Variants in CMTM7 observed in about 807,000 individuals in gnomAD.
CMTM7 encodes the protein CKLF like MARVEL transmembrane domain containing 7.
CMTM7 carries 7 observed loss-of-function variants against 19.3 expected under a neutral mutation model. That is an observed-to-expected ratio of 0.36 (90% confidence interval 0.21 to 0.68). The LOEUF (loss-of-function observed/expected upper bound fraction) is 0.68, where lower values mean the gene tolerates loss of function less well. Ranked by LOEUF, CMTM7 falls within the 30% of genes least tolerant of loss-of-function variation. CMTM7 has a pLI of 0.60. For missense variants in CMTM7, 193 were observed against 232.6 expected (o/e 0.83, Z 1.11); for synonymous variants, 87 against 99.3 (o/e 0.88, Z 0.74).
At chr3:32,395,749 T>A (rs1695905656) in intron 1 of CMTM7, among the ~76,000 whole-genome samples, 1 of 152,214 alleles carries the variant, frequency 6.6e-6, no homozygotes, top group Non-Finnish European at 1.5e-5. Flanking sequence ...AAAGTTACCA[T>A]GTGACCCAGC....
intron 1 of CMTM7, among the ~76,000 whole-genome samples, chr3:32,436,540 G>A (rs1467343707): frequency 6.6e-6 from 1 of 152,128 alleles, no homozygotes; most frequent in Non-Finnish European, 1.5e-5. Flanking sequence ...ATCTCCTGGG[G>A]ATTTCCTGGA....
intron 1 of CMTM7, among the ~76,000 whole-genome samples, chr3:32,421,085 T>C (rs1696336116): frequency 6.6e-6 from 1 of 151,870 alleles, no homozygotes; most frequent in South Asian, 2.1e-4. Context: ...CCAGCTCCTC[T>C]CCCTTTTCTT....
At chr3:32,407,670 G>A (rs546097066) in intron 1 of CMTM7, among the ~76,000 whole-genome samples, 13 of 152,280 alleles carry the variant, frequency 8.5e-5, no homozygotes, top group Middle Eastern at 3.4e-3. Context: ...GTTCCTCAGT[G>A]TCCCCATTAT....
chr3:32,430,842 T>C (rs1696508157), intron 1 of CMTM7, among the ~76,000 whole-genome samples: 1 of 152,182 alleles, frequency 6.6e-6, no homozygotes, highest in Non-Finnish European at 1.5e-5. Context: ...ACCAGGGTGA[T>C]GGTTTTGTGT....
chr3:32,413,848 G>A (rs570170761), intron 1 of CMTM7, among the ~76,000 whole-genome samples: 1 of 152,080 alleles, frequency 6.6e-6, no homozygotes, highest in Non-Finnish European at 1.5e-5. Flanking sequence ...CCCCTTTATT[G>A]CTGAGGCATT....
intron 2 of CMTM7, among the ~76,000 whole-genome samples, chr3:32,446,843 T>C (rs981264325): frequency 6.6e-6 from 1 of 152,288 alleles, no homozygotes; most frequent in East Asian, 1.9e-4. Flanking sequence ...CTTCAGAAAG[T>C]AGAAGCTCCC....
At chr3:32,393,948 G>C (rs891634393) in intron 1 of CMTM7, among the ~76,000 whole-genome samples, 11 of 152,160 alleles carry the variant, frequency 7.2e-5, no homozygotes, top group African/African-American at 2.7e-4. Context: ...TGGCAAGAGT[G>C]GGGCCTGTTG....
intron 2 of CMTM7, 36 bp downstream of exon 2, chr3:32,442,049 C>T: frequency 4.4e-6 from 7 of 1,596,084 alleles, no homozygotes; most frequent in Non-Finnish European, 6.0e-6. Flanking sequence ...TCCGCATGCA[C>T]AAGTCAGGAT....
chr3:32,441,984 G>A lies in CMTM7; in HGVS notation c.304G>A (p.Val102Met), dbSNP rs765824035. 31 of 1,614,092 alleles carry A rather than the reference G, an allele frequency of 1.9e-5. No individual in the cohort carries two copies. The highest frequency in any genetic ancestry group is 1.6e-4 in the Middle Eastern group (1 of 6,062). The stretch of plus-strand genomic sequence containing the variant: ...GGTCCACCTCTTCCGCTTCTACCGC[G>A]TGCTCACCTGTATCAGCTGGCCCCT... ...YLVHLFRFYR[V>M]LTCISWPLSE... Residue 102 changes from valine to methionine, a missense_variant, in exon 2 of 5, where the codon GTG (valine) becomes ATG (methionine). Coordinates refer to ENST00000334983, the MANE Select transcript of CMTM7 (RefSeq NM_138410.4).
chr3:32,432,371 G>A (rs1696532530), intron 1 of CMTM7, among the ~76,000 whole-genome samples: 1 of 152,176 alleles, frequency 6.6e-6, no homozygotes, highest in South Asian at 2.1e-4. Context: ...TTCACCCCTG[G>A]GGGTTCCCAT....
At chr3:32,403,252 C>A (rs549432873) in intron 1 of CMTM7, among the ~76,000 whole-genome samples, 27 of 151,854 alleles carry the variant, frequency 1.8e-4, no homozygotes, top group African/African-American at 6.5e-4. Context: ...TCTCACTTTG[C>A]CACCCAGGCT....
chr3:32,395,943 T>C (rs1350118007), intron 1 of CMTM7, among the ~76,000 whole-genome samples: 1 of 152,236 alleles, frequency 6.6e-6, no homozygotes, highest in East Asian at 1.9e-4. Context: ...TACAATTGAA[T>C]ATTATTCAGT....
chr3:32,420,964 G>A (rs1420156584), intron 1 of CMTM7, among the ~76,000 whole-genome samples: 2 of 152,112 alleles, frequency 1.3e-5, no homozygotes, highest in Non-Finnish European at 2.9e-5. Flanking sequence ...GGTCTCACCG[G>A]CTGTCTGGAC....
chr3:32,403,216 T>C (rs1472441668), intron 1 of CMTM7, among the ~76,000 whole-genome samples: 1 of 152,038 alleles, frequency 6.6e-6, no homozygotes, highest in Non-Finnish European at 1.5e-5. Context: ...TTTTTGTTGT[T>C]CTTGTTGTTT....
chr3:32,439,670 C>G (rs1696647563), intron 1 of CMTM7, among the ~76,000 whole-genome samples: 2 of 152,188 alleles, frequency 1.3e-5, no homozygotes, highest in African/African-American at 4.8e-5. Context: ...CCAGGCTGGT[C>G]TCAAACTCCT....
intron 1 of CMTM7, among the ~76,000 whole-genome samples, chr3:32,407,011 C>G (rs117141617): frequency 6.6e-6 from 1 of 152,150 alleles, no homozygotes; most frequent in Non-Finnish European, 1.5e-5. Context: ...CAGCAGCACC[C>G]GCAGTAGCTG....
chr3:32,432,803 C>T (rs1325456015), intron 1 of CMTM7, among the ~76,000 whole-genome samples: 4 of 152,200 alleles, frequency 2.6e-5, no homozygotes, highest in African/African-American at 9.6e-5. Context: ...AGGATTCATG[C>T]TGATAGCCAT....
At chr3:32,399,593 G>C (rs1695971609) in intron 1 of CMTM7, among the ~76,000 whole-genome samples, 1 of 152,188 alleles carries the variant, frequency 6.6e-6, no homozygotes, top group Non-Finnish European at 1.5e-5. Flanking sequence ...CTCTGGTCTA[G>C]CTGTGAATAG....
At chr3:32,429,988 G>A (rs1441266319) in intron 1 of CMTM7, among the ~76,000 whole-genome samples, 3 of 152,196 alleles carry the variant, frequency 2.0e-5, no homozygotes, top group African/African-American at 7.2e-5. Flanking sequence ...TTGTGTACCT[G>A]TCACCCGACT....
Sources: allele counts gnomAD v4.1 joint callset (sites outside exome capture counted in the v4.1 genomes callset), GRCh38; gene constraint gnomAD v4.1.1; transcripts MANE v1.5; gene names NCBI Gene and HGNC (gene_info 2026-07-23, HGNC 2026-07-21).